Variants in RASAL3 observed in about 807,000 individuals in gnomAD.
RASAL3 encodes RAS protein activator like-3.
A neutral mutation model predicts 105.5 loss-of-function variants in RASAL3; 74 were observed. The observed-to-expected ratio is 0.70, with a 90% CI of 0.58 to 0.85. RASAL3 has a LOEUF of 0.85. Among genes scored for constraint, RASAL3 ranks in the 40% least tolerant of loss-of-function variants. RASAL3 has a pLI of 0.00. For synonymous variants in RASAL3, 579 were observed against 591.6 expected (o/e 0.98, Z 0.31); for missense variants, 1,352 against 1,392.0 (o/e 0.97, Z 0.46).
chr19:15,458,369 G>T lies in RASAL3; in HGVS notation c.847C>A (p.Arg283Ser). 1.2e-6 allele frequency: 2 copies of T among 1,613,894 alleles called. No individual in the cohort carries two copies. Among genetic ancestry groups the T allele is most frequent in the Middle Eastern group, 3.3e-4 (2 of 6,060 alleles). ...TGGCGACGAAGGTCCTCGATCCAGC[G>T]GTCTCTCTCAGCGGCCGAGCGACAA... is the stretch of plus-strand genomic sequence containing the variant. Reference protein sequence around the residue: ...FSCRSAAERDRWIEDLRRQFQ... With the variant: ...FSCRSAAERDSWIEDLRRQFQ... The change falls in exon 8 of 18, where the codon CGC becomes AGC. Residue 283 changes from arginine (R) to serine (S), a missense_variant. Physicochemically the swap from Arg to Ser is moderately radical, Grantham distance 110. Transcript: ENST00000343625.
rs374749998 is a variant in RASAL3 at position 15,458,526 on chromosome 19, T to A, written c.789+3A>T. 6.1e-5 allele frequency: 98 copies of A among 1,613,692 alleles called. No homozygotes were observed. The highest frequency in any genetic ancestry group is 7.9e-5 in the Non-Finnish European group (93 of 1,179,816). ...GGAATCGAGGTGGACTGTCTACACT[T>A]ACCTGAAAGCAGTGGGGCTCCCCCA... On this transcript the variant is annotated splice_donor_region_variant and intron_variant, in intron 7 of 17. Transcript: ENST00000343625.
intron 8 of RASAL3, 42 bp downstream of exon 8, chr19:15,458,286 G>T: frequency 6.3e-7 from 1 of 1,575,118 alleles, no homozygotes; most frequent in Non-Finnish European, 8.7e-7. Context: ...GGCCAGGCCT[G>T]TGGGCGGGGT....
In RASAL3 at chr19:15,453,317, G is replaced by T; in HGVS notation, c.2460C>A (p.Val820=). The T allele has an allele frequency of 6.8e-7, 1 of 1,481,264 alleles. No individual in the cohort carries two copies. Among genetic ancestry groups the T allele is most frequent in the Non-Finnish European group, 8.9e-7 (1 of 1,121,014 alleles). 91.8% of individuals were successfully genotyped at this position (1,481,264 alleles called of 1,614,324 possible). A position where few individuals can be genotyped will look rare whatever the true frequency, so the allele number is the denominator to read the frequency against. ...GGCGGCGGGCAGGACGCCGGACCGG[G>T]ACACTCTGCGTGCGCTGCACCGGCC... The part of the protein sequence containing the change: ...RPRPVQRTQS[V]PVRRPARRRQ... Residue 820 remains valine (V), a synonymous_variant, in exon 15 of 18, where the codon GTC becomes GTA. Transcript: ENST00000343625. This position sits in a 1 kb window ranked among gnomAD's most constrained non-coding sequence, Gnocchi z 4.2.
At chr19:15,452,472 C>T in intron 16 of RASAL3, 186 bp downstream of exon 16, 1 of 596,248 alleles carries the variant, frequency 1.7e-6, no homozygotes, top group Non-Finnish European at 2.9e-6. Flanking sequence ...GGCCGACCTT[C>T]GTTGGGTGGG....
In RASAL3 at chr19:15,457,766, T is replaced by G; in HGVS notation, c.957A>C (p.Ala319=). The part of the protein sequence containing the change: ...WVHEAKGLPR[A]AAGAPGVRAE... ...CGCGCACGCCGGGTGCCCCCGCCGCTGCTCGGGGAAGCCCCTTCGCTTCGT... is the reference window on the plus strand; with the variant it reads ...CGCGCACGCCGGGTGCCCCCGCCGCGGCTCGGGGAAGCCCCTTCGCTTCGT... Residue 319 remains alanine (A), a synonymous_variant, in exon 9 of 18, where the codon GCA becomes GCC. Coordinates refer to ENST00000343625, the MANE Select transcript of RASAL3 (RefSeq NM_022904.3). The surrounding 1 kb of genome is among the most constrained non-coding windows in gnomAD (Gnocchi z 8.6). 1.3e-6 allele frequency: 2 copies of G among 1,546,656 alleles called. No individual in the cohort carries two copies. The highest frequency in any genetic ancestry group is 2.4e-5 in the South Asian group (2 of 83,896).
chr19:15,452,381 T>C (rs1970177296), intron 16 of RASAL3: 2 of 589,748 alleles, frequency 3.4e-6, no homozygotes, highest in Admixed American at 5.9e-5. Context: ...CAGGCTGAGA[T>C]ATCTCAGTGC....
intron 17 of RASAL3, 50 bp from the exon 18 acceptor site, chr19:15,451,988 G>C (rs769397399): frequency 1.9e-6 from 3 of 1,613,530 alleles, no homozygotes; most frequent in African/African-American, 1.3e-5. Flanking sequence ...GGGCTGCACC[G>C]CAACCCTTGC....
chr19:15,451,847 C>T lies in RASAL3; in HGVS notation c.2984G>A (p.Trp995Ter). ...LQLSPRTRGS[W>*]SQPQPLKAPC... ...TGCTTTGAGGGGCTGGGGTTGACTC[C>T]AAGACCCCCGCGTCCTTGGAGAAAG... is the stretch of plus-strand genomic sequence containing the variant. Residue 995 changes from tryptophan to a stop codon, truncating the protein, a stop_gained, in exon 18 of 18, where the codon TGG becomes TAG. Coordinates refer to ENST00000343625, the MANE Select transcript of RASAL3 (RefSeq NM_022904.3). LOFTEE classifies it high-confidence loss of function. 1 of 1,608,034 alleles carries T rather than the reference C, an allele frequency of 6.2e-7. No individual in the cohort carries two copies. The highest frequency in any genetic ancestry group is 8.5e-7 in the Non-Finnish European group (1 of 1,175,574).
rs1970304049 is a variant in RASAL3 at position 15,456,037 on chromosome 19, T to G, written c.1721+67A>C. The G allele has an allele frequency of 6.4e-7, 1 of 1,558,872 alleles. No homozygotes were observed. The highest frequency in any genetic ancestry group is 1.8e-5 in the Admixed American group (1 of 56,850). On this transcript the variant is annotated intron_variant, in intron 11 of 17. Coordinates refer to ENST00000343625, the MANE Select transcript of RASAL3 (RefSeq NM_022904.3). The surrounding 1 kb of genome is among the most constrained non-coding windows in gnomAD (Gnocchi z 4.4). ...TCTCCTGTATTTTATCTGGCCACCCTAAACTGGAGGTCGGGGCTAGCATGG... is the reference window on the plus strand; with the variant it reads ...TCTCCTGTATTTTATCTGGCCACCCGAAACTGGAGGTCGGGGCTAGCATGG...
Position 15,457,855 on chromosome 19 carries a change from G to T in RASAL3, c.889-21C>A. 1.3e-6 allele frequency: 2 copies of T among 1,546,654 alleles called. No individual in the cohort carries two copies. Among genetic ancestry groups the T allele is most frequent in the Non-Finnish European group, 1.7e-6 (2 of 1,146,062 alleles). ...TTGTCCTGCAGATGGGAGTGGGATG[G>T]GGGGAAGCGTTTTGGTTTGTTGGCA... On this transcript the variant is annotated intron_variant, in intron 8 of 17. Transcript: ENST00000343625. The surrounding 1 kb of genome is among the most constrained non-coding windows in gnomAD (Gnocchi z 8.6).
rs1970492197 is a variant in RASAL3 at position 15,461,081 on chromosome 19, G to A, written c.585C>T (p.Pro195=). 1 of 1,613,892 alleles carries A rather than the reference G, an allele frequency of 6.2e-7. No homozygotes were observed. Among genetic ancestry groups the A allele is most frequent in the Non-Finnish European group, 8.5e-7 (1 of 1,179,864 alleles). ...TTACCCGAACGTTGTGGACCTGGTT[G>A]GGACCAGCAGTCTCCGGTTCTGTTT... ...PGKTEPETAG[P]NQVHNVRGLL... Residue 195 remains proline, a synonymous_variant, in exon 5 of 18, where the codon CCC becomes CCT. Transcript: ENST00000343625.
chr19:15,460,442 G>A (rs1599748587), intron 5 of RASAL3, among the ~76,000 whole-genome samples, 184 bp from the exon 6 acceptor site: 3 of 152,158 alleles, frequency 2.0e-5, no homozygotes, highest in Admixed American at 2.0e-4. Flanking sequence ...TTTTAAGACA[G>A]GGTCTCGTGC....
Position 15,453,015 on chromosome 19 carries a change from G to C in RASAL3, c.2670+92C>G, listed in dbSNP as rs1970207132. 2.6e-6 allele frequency: 4 copies of C among 1,557,562 alleles called. No homozygotes were observed. Among genetic ancestry groups the C allele is most frequent in the Middle Eastern group, 2.2e-4 (1 of 4,446 alleles). ...TGGGGTCACACAGCACAGCGAGCTG[G>C]GTACTTGAACCCAGACTTGCCTGGC... On this transcript the variant is annotated intron_variant, in intron 15 of 17. Coordinates refer to ENST00000343625, the MANE Select transcript of RASAL3 (RefSeq NM_022904.3). This position sits in a 1 kb window ranked among gnomAD's most constrained non-coding sequence, Gnocchi z 4.2.
At position 15,464,235 on chromosome 19, in the gene RASAL3, G is replaced by C. The variant is rs769410434; in HGVS notation, c.124C>G (p.Arg42Gly). ...AGGGCCCTGCCCCAGCCAGCAAAGC[G>C]GCCCCAGCGGAACCCTCCAGCCGCC... ...EKAAGGFRWG[R>G]FAGWGRALSH... The change falls in exon 2 of 18, where the codon CGC (arginine) becomes GGC (glycine). Residue 42 changes from arginine (R) to glycine (G), a missense_variant. Physicochemically the swap from Arg to Gly is moderately radical, Grantham distance 125 (BLOSUM62 -2). Transcript: ENST00000343625. 6.2e-7 allele frequency: 1 copy of C among 1,609,280 alleles called. No homozygotes were observed. Among genetic ancestry groups the C allele is most frequent in the Non-Finnish European group, 8.5e-7 (1 of 1,178,372 alleles).
At chr19:15,459,910 C>T (rs543387974) in intron 6 of RASAL3, among the ~76,000 whole-genome samples, 9 of 152,260 alleles carry the variant, frequency 5.9e-5, no homozygotes, top group Admixed American at 4.6e-4. Flanking sequence ...TTTCCACCCC[C>T]CTGTTGGCCT....
Position 15,457,183 on chromosome 19 carries a change from T to A in RASAL3, c.1431+109A>T. The A allele has an allele frequency of 2.1e-6, 2 of 944,580 alleles. No homozygotes were observed. Among genetic ancestry groups the A allele is most frequent in the Non-Finnish European group, 2.8e-6 (2 of 724,292 alleles). 58.5% of individuals were successfully genotyped at this position (944,580 alleles called of 1,614,324 possible). The stretch of plus-strand genomic sequence containing the variant: ...CCACGCCCCTCACACCCCTTCAAGG[T>A]GTCTCCCCCATTACAGGTGCAACTC... On this transcript the variant is annotated intron_variant, in intron 9 of 17. Transcript: ENST00000343625. The surrounding 1 kb of genome is among the most constrained non-coding windows in gnomAD (Gnocchi z 8.6).
At position 15,456,740 on chromosome 19, in the gene RASAL3, C is replaced by A; in HGVS notation, c.1432-94G>T. 1 of 1,441,890 alleles carries A rather than the reference C, an allele frequency of 6.9e-7. No homozygotes were observed. Among genetic ancestry groups the A allele is most frequent in the East Asian group, 2.5e-5 (1 of 40,796 alleles). 89.3% of individuals were successfully genotyped at this position (1,441,890 alleles called of 1,614,324 possible). ...GGTCCCTCACACCAGAGGCACAGGC[C>A]CCGCCCCTTGTAGCTGATGCTTAGG... On this transcript the variant is annotated intron_variant, in intron 9 of 17. Coordinates refer to ENST00000343625, the MANE Select transcript of RASAL3 (RefSeq NM_022904.3). This position sits in a 1 kb window ranked among gnomAD's most constrained non-coding sequence, Gnocchi z 4.4.
chr19:15,461,631 G>C (rs1970515473), intron 2 of RASAL3, 24 bp from the exon 3 acceptor site: 9 of 1,497,620 alleles, frequency 6.0e-6, no homozygotes, highest in Non-Finnish European at 8.0e-6. Flanking sequence ...GAGGCACTGG[G>C]GGACTTAAGA....
In RASAL3 at chr19:15,456,865, C is replaced by A; in HGVS notation, c.1432-219G>T. On this transcript the variant is annotated intron_variant, in intron 9 of 17. Coordinates refer to ENST00000343625, the MANE Select transcript of RASAL3 (RefSeq NM_022904.3). The surrounding 1 kb of genome is among the most constrained non-coding windows in gnomAD (Gnocchi z 4.4). ...GCGCTGAGGTGCAACCTGGGCCCCGCCCCTCACGCGTGATGCTCAGGCCCC... is the reference window on the plus strand; with the variant it reads ...GCGCTGAGGTGCAACCTGGGCCCCGACCCTCACGCGTGATGCTCAGGCCCC... 1.6e-6 allele frequency: 1 copy of A among 609,390 alleles called. No individual in the cohort carries two copies. Among genetic ancestry groups the A allele is most frequent in the Non-Finnish European group, 2.9e-6 (1 of 349,612 alleles). 37.7% of individuals were successfully genotyped at this position (609,390 alleles called of 1,614,324 possible).
Sources: allele counts gnomAD v4.1 joint callset (sites outside exome capture counted in the v4.1 genomes callset), GRCh38; gene constraint gnomAD v4.1.1; non-coding constraint Gnocchi (gnomAD v3.1); transcripts MANE v1.5; gene names NCBI Gene and HGNC (gene_info 2026-07-23, HGNC 2026-07-21).